The following NCALD variants were observed in gnomAD, a reference collection of about 807,000 sequenced individuals.
NCALD encodes the protein neurocalcin-delta.
A neutral mutation model predicts 18.6 loss-of-function variants in NCALD; 10 were observed. The observed-to-expected ratio is 0.54, with a 90% confidence interval of 0.33 to 0.91. The LOEUF (loss-of-function observed/expected upper bound fraction) is 0.91. Among genes scored for constraint, NCALD ranks in the 40% least tolerant of loss-of-function variants. The probability of loss-of-function intolerance (pLI) is 0.03; values close to 1 mark genes in which losing one functional copy is unlikely to be tolerated. For missense variants in NCALD, 184 were observed against 247.6 expected (o/e 0.74, Z 1.72); for synonymous variants, 88 against 87.4 (o/e 1.01, Z -0.04).
intron 1 of NCALD, among the ~76,000 whole-genome samples, chr8:102,057,554 A>T (rs1264105043): frequency 6.6e-6 from 1 of 152,254 alleles, no homozygotes; most frequent in Non-Finnish European, 1.5e-5. Flanking sequence ...GTGTCTACTG[A>T]AAAATAACTG....
chr8:102,004,663 T>C (rs1821623859), intron 2 of NCALD, among the ~76,000 whole-genome samples: 1 of 152,212 alleles, frequency 6.6e-6, no homozygotes, highest in South Asian at 2.1e-4. Flanking sequence ...AACAGCATGG[T>C]ACTGGTACCA....
chr8:101,903,543 G>A (rs568463571), intron 3 of NCALD, among the ~76,000 whole-genome samples: 1 of 152,234 alleles, frequency 6.6e-6, no homozygotes, highest in Admixed American at 6.5e-5. Flanking sequence ...CGAGAGCGAG[G>A]GAGAGAATGA....
intron 4 of NCALD, among the ~76,000 whole-genome samples, chr8:101,796,780 A>G (rs1812653310): frequency 6.6e-6 from 1 of 152,250 alleles, no homozygotes; most frequent in African/African-American, 2.4e-5. Context: ...AAAACTTACA[A>G]AAAGACACCG....
At chr8:101,719,801 G>A (rs1586297587) in intron 1 of NCALD, among the ~76,000 whole-genome samples, 153 bp from the exon 2 acceptor site, 3 of 152,198 alleles carry the variant, frequency 2.0e-5, no homozygotes, top group Middle Eastern at 6.8e-3. Flanking sequence ...CAACACACTG[G>A]TCAGCCAAAC....
chr8:101,787,379 G>A (rs1263359734), intron 1 of NCALD, among the ~76,000 whole-genome samples: 1 of 152,142 alleles, frequency 6.6e-6, no homozygotes, highest in Non-Finnish European at 1.5e-5. Context: ...AAATTGCTAA[G>A]CTTCCATTTC....
intron 1 of NCALD, among the ~76,000 whole-genome samples, chr8:102,021,289 A>T (rs1822264421): frequency 6.6e-6 from 1 of 152,160 alleles, no homozygotes; most frequent in African/African-American, 2.4e-5. Context: ...TCATCTTTTG[A>T]TTCATATTGA....
chr8:101,799,605 C>T (rs1396468740), intron 4 of NCALD, among the ~76,000 whole-genome samples: 4 of 152,086 alleles, frequency 2.6e-5, no homozygotes, highest in Non-Finnish European at 4.4e-5. Context: ...ATTGAATGAA[C>T]GACTTATGCA....
intron 1 of NCALD, among the ~76,000 whole-genome samples, chr8:101,744,832 C>T (rs922009132): frequency 3.3e-5 from 5 of 151,980 alleles, no homozygotes; most frequent in Non-Finnish European, 7.4e-5. Flanking sequence ...TCCAGGAAGC[C>T]GGGTACTCCT....
chr8:102,000,829 G>A (rs1821428054), intron 2 of NCALD, among the ~76,000 whole-genome samples: 2 of 152,184 alleles, frequency 1.3e-5, no homozygotes, highest in Admixed American at 1.3e-4. Context: ...ACTGTTAGAA[G>A]GAAAACTAAC....
At chr8:101,991,770 T>C (rs1016737559) in intron 2 of NCALD, among the ~76,000 whole-genome samples, 10 of 152,208 alleles carry the variant, frequency 6.6e-5, no homozygotes, top group Admixed American at 3.9e-4. Flanking sequence ...AATCTGTTGG[T>C]GCTTTTCCTA....
chr8:101,756,179 A>G (rs1424618442), intron 1 of NCALD, among the ~76,000 whole-genome samples: 2 of 151,838 alleles, frequency 1.3e-5, no homozygotes, highest in African/African-American at 4.8e-5. Context: ...TCCATTGTCT[A>G]TGGAGATAAG....
intron 1 of NCALD, among the ~76,000 whole-genome samples, chr8:102,121,845 T>G: frequency 6.6e-6 from 1 of 152,240 alleles, no homozygotes; most frequent in East Asian, 1.9e-4. Context: ...CCCAAGGTTT[T>G]TTATCGTAGA....
In NCALD at chr8:101,689,325, C is replaced by A; in HGVS notation, c.566G>T (p.Ser189Ile). 1.2e-6 allele frequency: 2 copies of A among 1,613,914 alleles called. No homozygotes were observed. The highest frequency in any genetic ancestry group is 2.2e-5 in the South Asian group (2 of 90,972). The change falls in exon 4 of 4, where the codon AGT (serine) becomes ATT (isoleucine). Residue 189 changes from serine (S) to isoleucine (I), a missense_variant. By Grantham distance (142) the Ser-to-Ile change is moderately radical. Transcript: ENST00000220931. This position sits in a 1 kb window ranked among gnomAD's most constrained non-coding sequence, Gnocchi z 4.4. ...IVRLLQCDPS[S>I]AGQF is the part of the protein sequence containing the mutation. ...GCGCAGGGCTCAGAACTGGCCGGCA[C>A]TGCTCGGGTCGCACTGCAGGAGGCG...
At chr8:101,801,353 T>A (rs971130569) in intron 4 of NCALD, among the ~76,000 whole-genome samples, 2 of 152,118 alleles carry the variant, frequency 1.3e-5, no homozygotes, top group Admixed American at 1.3e-4. Context: ...CAATTTGACC[T>A]AATTAATATA....
intron 4 of NCALD, among the ~76,000 whole-genome samples, chr8:101,874,919 G>C (rs1234638737): frequency 6.6e-6 from 1 of 152,104 alleles, no homozygotes; most frequent in African/African-American, 2.4e-5. Context: ...AAAGAGAAAG[G>C]AGAGGAATCA....
At chr8:102,063,900 T>A (rs1007204971) in intron 1 of NCALD, among the ~76,000 whole-genome samples, 1 of 152,126 alleles carries the variant, frequency 6.6e-6, no homozygotes, top group African/African-American at 2.4e-5. Context: ...GAAAAGACTA[T>A]CCCTAATTTC....
rs182427451 is a variant in NCALD, at chr8:102,064,714, A to G, written c.-209-44425T>C. Reference sequence around the variant, plus strand: ...TCTACAGGTAGCAGCTGCTCCATGAACCTGGTGTTCTAATGATATGAAATG... The same window carrying G: ...TCTACAGGTAGCAGCTGCTCCATGAGCCTGGTGTTCTAATGATATGAAATG... On this transcript the variant is annotated intron_variant, in intron 1 of 6. Transcript: ENST00000311028. Among the ~76,000 whole-genome samples the G allele has an allele frequency of 2.0e-3, 310 of 152,276 alleles. 2 individuals are homozygous for G. Among genetic ancestry groups the G allele is most frequent in the African/African-American group, 7.1e-3 (296 of 41,558 alleles).
At chr8:101,729,900 C>T (rs1326920121) in intron 1 of NCALD, among the ~76,000 whole-genome samples, 1 of 152,106 alleles carries the variant, frequency 6.6e-6, no homozygotes, top group Non-Finnish European at 1.5e-5. Flanking sequence ...AGCAGAACCT[C>T]GTCTAACAGC....
At chr8:101,714,784 C>T (rs1295337859) in intron 2 of NCALD, among the ~76,000 whole-genome samples, 1 of 150,986 alleles carries the variant, frequency 6.6e-6, no homozygotes, top group Non-Finnish European at 1.5e-5. Flanking sequence ...ATCATGAGGT[C>T]AGGAGATCGA....
Sources: gnomAD v4.1 joint callset for allele counts (sites outside exome capture counted in the v4.1 genomes callset) on GRCh38, gnomAD v4.1.1 for gene constraint, Gnocchi (gnomAD v3.1) non-coding constraint, MANE v1.5 for transcripts, NCBI Gene and HGNC (gene_info 2026-07-23, HGNC 2026-07-21) for gene names.